TLN2: variants seen among roughly 807,000 people sequenced by gnomAD.
The protein encoded by TLN2 is talin 2.
Under a neutral mutation model 294.7 loss-of-function variants are expected in TLN2, and 118 were observed. The observed-to-expected ratio is 0.40, with a 90% CI of 0.34 to 0.47. The LOEUF is 0.47. Among genes scored for constraint, TLN2 ranks in the 20% least tolerant of loss-of-function variants. The probability of loss-of-function intolerance (pLI) is 0.84; values close to 1 mark genes in which losing one functional copy is unlikely to be tolerated. For missense variants in TLN2, 3,083 were observed against 3,282.2 expected, an observed-to-expected ratio of 0.94 and a Z score of 1.48; for synonymous variants, 1,431 against 1,304.5, an observed-to-expected ratio of 1.10 and a Z score of -2.09.
At chr15:62,680,724 G>T (rs1317647054) in intron 11 of TLN2, among the ~76,000 whole-genome samples, 1 of 151,752 alleles carries the variant, frequency 6.6e-6, no homozygotes, top group African/African-American at 2.4e-5. Flanking sequence ...TTTATCTGTA[G>T]CCCCACTCCC....
At chr15:62,657,971 C>CTA (rs532805900) in intron 9 of TLN2, 73 bp downstream of exon 9, 128 of 1,435,426 alleles carry the variant, frequency 8.9e-5, no homozygotes, top group Non-Finnish European at 1.0e-4. Flanking sequence ...TATTTTTGAG[C>CTA]TAGGTGTCTA....
At chr15:62,663,259 A>T (rs116950302) in intron 9 of TLN2, among the ~76,000 whole-genome samples, 3,775 of 152,288 alleles carry the variant, frequency 0.025, 76 homozygotes, top group South Asian at 0.053. Context: ...GAATTTCATA[A>T]AATAAAATAA....
In TLN2 at chr15:62,503,776, C is replaced by T. The variant is rs576667524; in HGVS notation, c.-237-85911C>T. On this transcript the variant is annotated intron_variant, in intron 1 of 58. Coordinates refer to ENST00000636159, the MANE Select transcript of TLN2 (RefSeq NM_015059.3). ...TGGTTTCTTCTCATTCCTCTCCGTTCTGTGAGCTTGTCAGAGAACCTGGAA... is the reference window on the plus strand; with the variant it reads ...TGGTTTCTTCTCATTCCTCTCCGTTTTGTGAGCTTGTCAGAGAACCTGGAA... Among the ~76,000 whole-genome samples the T allele has an allele frequency of 2.6e-4, 39 of 152,302 alleles. No individual in the cohort carries two copies. The South Asian group carries it at 7.9e-3, about 31-fold the overall frequency.
intron 1 of TLN2, among the ~76,000 whole-genome samples, chr15:62,485,099 T>G (rs919408127): frequency 2.0e-5 from 3 of 152,146 alleles, no homozygotes; most frequent in Admixed American, 1.3e-4. Flanking sequence ...CTGACCCTCC[T>G]TTCATCTTCA....
At chr15:62,792,089 G>A (rs1048934525) in intron 45 of TLN2, among the ~76,000 whole-genome samples, 1 of 152,136 alleles carries the variant, frequency 6.6e-6, no homozygotes, top group Non-Finnish European at 1.5e-5. Flanking sequence ...TGTCCCCATG[G>A]GATACAGCTG....
intron 3 of TLN2, among the ~76,000 whole-genome samples, chr15:62,631,385 A>G (rs1401372843): frequency 6.6e-6 from 1 of 151,996 alleles, no homozygotes; most frequent in Non-Finnish European, 1.5e-5. Context: ...CTCTAGCACA[A>G]ATAATCACTC....
At chr15:62,744,384 G>T (rs1190307568) in intron 32 of TLN2, among the ~76,000 whole-genome samples, 4 of 147,544 alleles carry the variant, frequency 2.7e-5, no homozygotes, top group Admixed American at 6.8e-5. Context: ...AGCCATAAAA[G>T]ATTATTTTTG....
At chr15:62,636,173 A>G (rs1011166875) in intron 3 of TLN2, among the ~76,000 whole-genome samples, 1 of 152,208 alleles carries the variant, frequency 6.6e-6, no homozygotes, top group Non-Finnish European at 1.5e-5. Context: ...AAGGATGGGA[A>G]AATTACAGCA....
chr15:62,563,068 A>AT (rs1294298428), intron 1 of TLN2, among the ~76,000 whole-genome samples: 3 of 151,594 alleles, frequency 2.0e-5, no homozygotes, highest in Admixed American at 6.6e-5. Flanking sequence ...ATGTATAAGT[A>AT]TTTTTTTTGT....
chr15:62,395,076 G>A (rs772961546), intron 1 of TLN2, among the ~76,000 whole-genome samples: 16 of 151,904 alleles, frequency 1.1e-4, no homozygotes, highest in Admixed American at 2.6e-4. Flanking sequence ...AATTCCCTAC[G>A]TCTGTTATTC....
At chr15:62,703,084 G>A (rs2058816028) in intron 19 of TLN2, among the ~76,000 whole-genome samples, 1 of 151,642 alleles carries the variant, frequency 6.6e-6, no homozygotes. Context: ...TCATTGTAAA[G>A]CACGTATTTA....
chr15:62,565,338 AG>A (rs1459651043), intron 1 of TLN2, among the ~76,000 whole-genome samples: 1 of 152,206 alleles, frequency 6.6e-6, no homozygotes, highest in Non-Finnish European at 1.5e-5. Flanking sequence ...AAAACATTAA[AG>A]TATATACATA....
chr15:62,707,266 G>T lies in TLN2; in HGVS notation c.2172+13G>T. The T allele has an allele frequency of 1.2e-6, 2 of 1,601,906 alleles. No homozygotes were observed. Among genetic ancestry groups the T allele is most frequent in the South Asian group, 2.2e-5 (2 of 89,668 alleles). The stretch of plus-strand genomic sequence containing the variant: ...GGCATGTGCCAAGGTAAGCCAGCTG[G>T]CACCCCAGCCCTTTCTACCCAGTAT... On this transcript the variant is annotated intron_variant, in intron 20 of 58. Coordinates refer to ENST00000636159, the MANE Select transcript of TLN2 (RefSeq NM_015059.3).
intron 37 of TLN2, among the ~76,000 whole-genome samples, chr15:62,757,811 G>C (rs1319617310): frequency 2.0e-5 from 3 of 152,188 alleles, no homozygotes; most frequent in African/African-American, 7.2e-5. Context: ...TGAACGTGCT[G>C]CCCCTCCGCG....
chr15:62,644,391 G>T, intron 3 of TLN2: 1 of 419,750 alleles, frequency 2.4e-6, no homozygotes. Flanking sequence ...TCCCAGGGCT[G>T]AGTCATTACT....
At chr15:62,762,045 G>A (rs1032514279) in intron 38 of TLN2, among the ~76,000 whole-genome samples, 3 of 152,146 alleles carry the variant, frequency 2.0e-5, no homozygotes, top group Non-Finnish European at 4.4e-5. Context: ...GGTTTGGGGC[G>A]ATTCTTGGGA....
intron 9 of TLN2, among the ~76,000 whole-genome samples, chr15:62,670,831 A>C (rs1395309651): frequency 6.6e-6 from 1 of 152,210 alleles, no homozygotes; most frequent in Admixed American, 6.5e-5. Context: ...AAGGAGCAGA[A>C]TTGCTGTATA....
intron 24 of TLN2, among the ~76,000 whole-genome samples, chr15:62,717,897 G>A (rs904119112): frequency 7.2e-5 from 11 of 152,150 alleles, no homozygotes; most frequent in Admixed American, 5.9e-4. Flanking sequence ...TTCTTCCAGC[G>A]TTGTCTACTT....
chr15:62,810,983 A>C (rs1282289306), intron 52 of TLN2, among the ~76,000 whole-genome samples: 1 of 152,212 alleles, frequency 6.6e-6, no homozygotes, highest in Non-Finnish European at 1.5e-5. Flanking sequence ...TTGCGCAGCC[A>C]TGAGGCTTAT....
Sources: allele counts gnomAD v4.1 joint callset (sites outside exome capture counted in the v4.1 genomes callset), GRCh38; gene constraint gnomAD v4.1.1; transcripts MANE v1.5; gene names NCBI Gene and HGNC (gene_info 2026-07-23, HGNC 2026-07-21).